ZC3H18: variants seen among roughly 807,000 people sequenced by gnomAD.
The protein encoded by ZC3H18 is zinc finger CCCH domain-containing protein 18.
In ZC3H18, 8 loss-of-function variants were observed where a neutral mutation model predicts 106.1. The ratio of observed to expected loss-of-function variants is 0.08; its 90% CI spans 0.04 to 0.14. The LOEUF is 0.14. Ranked by LOEUF, ZC3H18 falls within the 10% of genes least tolerant of loss-of-function variation. The probability of loss-of-function intolerance (pLI) is 1.00; values close to 1 mark genes in which losing one functional copy is unlikely to be tolerated. For synonymous variants in ZC3H18, 635 were observed against 522.1 expected, an observed-to-expected ratio of 1.22 and a Z score of -2.95; for missense variants, 1,318 against 1,278.4, an observed-to-expected ratio of 1.03 and a Z score of -0.47.
chr16:88,627,603 G>T lies in ZC3H18; in HGVS notation c.2109-19G>T. On this transcript the variant is annotated intron_variant, in intron 13 of 17. Transcript: ENST00000301011. This position sits in a 1 kb window ranked among gnomAD's most constrained non-coding sequence, Gnocchi z 4.5. ...CTCCAGTCTGGCTGGGGTGTGGTGA[G>T]ATGTGCTTGTGTGTCCAGGTCCCTG... The T allele has an allele frequency of 4.4e-6, 7 of 1,587,636 alleles. 1 individual carries two copies. In the South Asian group the frequency reaches 6.7e-5, roughly 15 times the overall value.
In ZC3H18 at chr16:88,572,464, T is replaced by C. The variant is rs530518382; in HGVS notation, c.-15+1898T>C. On this transcript the variant is annotated intron_variant, in intron 1 of 17. Coordinates refer to ENST00000301011, the MANE Select transcript of ZC3H18 (RefSeq NM_144604.4). ...TCCTCAATTAACGAGTTTTTTGTCA[T>C]GTATTCAACAAATATCTATCAAGTA... Among the ~76,000 whole-genome samples, 593 of 152,082 alleles carry C rather than the reference T, an allele frequency of 3.9e-3. 8 individuals carry two copies. Among genetic ancestry groups the C allele is most frequent in the South Asian group, 0.016 (77 of 4,810 alleles).
chr16:88,584,629 G>C (rs1915329493), intron 2 of ZC3H18, among the ~76,000 whole-genome samples: 1 of 152,162 alleles, frequency 6.6e-6, no homozygotes, highest in African/African-American at 2.4e-5. Flanking sequence ...CTGGGTGACT[G>C]GGGTCAGTGT....
Position 88,622,268 on chromosome 16 carries a change from A to G in ZC3H18, c.1547A>G (p.Lys516Arg). 6.2e-7 allele frequency: 1 copy of G among 1,614,166 alleles called. No individual in the cohort carries two copies. The highest frequency in any genetic ancestry group is 8.5e-7 in the Non-Finnish European group (1 of 1,180,000). Reference sequence around the variant, plus strand: ...CAGGTGAAGAGAGCAGATGAGTGGAAGGACCCTTGGCGCCGATCCAAGTCT... The same window carrying G: ...CAGGTGAAGAGAGCAGATGAGTGGAGGGACCCTTGGCGCCGATCCAAGTCT... ...GPQVKRADEW[K>R]DPWRRSKSPK... The change falls in exon 9 of 18, where the codon AAG becomes AGG. Residue 516 changes from lysine (K) to arginine (R), a missense_variant. Physicochemically the swap from Lys to Arg is conservative, Grantham distance 26 (BLOSUM62 2). Coordinates refer to ENST00000301011, the MANE Select transcript of ZC3H18 (RefSeq NM_144604.4).
intron 6 of ZC3H18, 105 bp downstream of exon 6, chr16:88,600,053 A>G: frequency 7.2e-7 from 1 of 1,383,706 alleles, no homozygotes; most frequent in Non-Finnish European, 9.9e-7. Context: ...GCTGAGACCC[A>G]GCCCCACTCA....
Position 88,631,412 on chromosome 16 carries a change from GAAAA to G in ZC3H18, c.*118_*121del. The G allele has an allele frequency of 4.3e-6, 6 of 1,387,054 alleles. No homozygotes were observed. The highest frequency in any genetic ancestry group is 2.6e-5 in the East Asian group (1 of 38,548). 85.9% of individuals were successfully genotyped at this position (1,387,054 alleles called of 1,614,324 possible). On this transcript the variant is annotated 3_prime_UTR_variant, in exon 18 of 18. Transcript: ENST00000301011. Reference sequence around the variant, plus strand: ...GTGATTCTTTTTAAAAAGTAAAAAAGAAAAAAAAGTTTCTCAGCTGGAAAAGAAG... The same window carrying G: ...GTGATTCTTTTTAAAAAGTAAAAAAGAAAAGTTTCTCAGCTGGAAAAGAAG...
chr16:88,586,570 C>G (rs1915447542), intron 2 of ZC3H18, 30 bp from the exon 3 acceptor site: 2 of 1,591,894 alleles, frequency 1.3e-6, no homozygotes, highest in Non-Finnish European at 8.6e-7. Context: ...AGATGCCTCC[C>G]CCACGCTAAG....
intron 8 of ZC3H18, among the ~76,000 whole-genome samples, chr16:88,619,379 C>A (rs964054252): frequency 6.6e-6 from 1 of 152,240 alleles, no homozygotes; most frequent in Admixed American, 6.5e-5. Flanking sequence ...GACCTCCTTG[C>A]TCCATGGGCC....
chr16:88,624,598 A>G lies in ZC3H18; in HGVS notation c.1899-4A>G, dbSNP rs1439072226. On this transcript the variant is annotated splice_region_variant and splice_polypyrimidine_tract_variant and intron_variant, in intron 11 of 17. Transcript: ENST00000301011. ...TGCCCTGCTCGAGCCTCCCTGTCTC[A>G]CAGAGAGAAGTCAGTGAAGAAGCCG... 3.1e-6 allele frequency: 5 copies of G among 1,611,724 alleles called. No homozygotes were observed. The African/African-American group carries it at 4.0e-5, about 13-fold the overall frequency.
At chr16:88,616,504 C>T (rs1905615038) in intron 8 of ZC3H18, among the ~76,000 whole-genome samples, 1 of 152,220 alleles carries the variant, frequency 6.6e-6, no homozygotes, top group African/African-American at 2.4e-5. Context: ...CTTCACTCAC[C>T]TTTGCGGGAG....
chr16:88,623,904 G>A, intron 10 of ZC3H18, 54 bp from the exon 11 acceptor site: 1 of 1,551,896 alleles, frequency 6.4e-7, no homozygotes, highest in Non-Finnish European at 8.7e-7. Context: ...GTGGGCTTGG[G>A]CTGGTGAAGA....
chr16:88,622,466 G>A (rs949936608), intron 9 of ZC3H18, 78 bp downstream of exon 9: 144 of 1,447,082 alleles, frequency 1.0e-4, no homozygotes, highest in Admixed American at 5.8e-4. Flanking sequence ...CACTGGGTCA[G>A]GTGGGGAACA....
intron 3 of ZC3H18, among the ~76,000 whole-genome samples, chr16:88,596,256 G>A (rs1904433109): frequency 6.6e-6 from 1 of 152,176 alleles, no homozygotes; most frequent in Admixed American, 6.5e-5. Context: ...TTTTTTGATA[G>A]TAGGTTCGTA....
chr16:88,599,716 G>A (rs566180295), intron 5 of ZC3H18, 75 bp from the exon 6 acceptor site: 35 of 1,525,636 alleles, frequency 2.3e-5, no homozygotes, highest in South Asian at 1.9e-4. Flanking sequence ...CGGGTGGGAC[G>A]GCTCCCTTTG....
At chr16:88,614,860 T>C (rs1238210686) in intron 8 of ZC3H18, among the ~76,000 whole-genome samples, 1 of 152,208 alleles carries the variant, frequency 6.6e-6, no homozygotes, top group African/African-American at 2.4e-5. Flanking sequence ...GAGACCCCAC[T>C]GCAAAGGTGC....
At chr16:88,589,613 G>A (rs949025663) in intron 3 of ZC3H18, among the ~76,000 whole-genome samples, 3 of 151,662 alleles carry the variant, frequency 2.0e-5, no homozygotes, top group African/African-American at 4.8e-5. Flanking sequence ...CAACGTGGAC[G>A]AGCCTTGAAG....
At chr16:88,574,331 T>C in intron 1 of ZC3H18, among the ~76,000 whole-genome samples, 1 of 152,084 alleles carries the variant, frequency 6.6e-6, no homozygotes, top group East Asian at 1.9e-4. Context: ...CGTCTCAGCC[T>C]CCCAAGTAGC....
At position 88,624,007 on chromosome 16, in the gene ZC3H18, C is replaced by T. The variant is rs138970185; in HGVS notation, c.1843C>T (p.His615Tyr). 2 of 1,614,004 alleles carry T rather than the reference C, an allele frequency of 1.2e-6. No homozygotes were observed. Among genetic ancestry groups the T allele is most frequent in the African/African-American group, 1.3e-5 (1 of 74,940 alleles). The change falls in exon 11 of 18, where the codon CAT (histidine) becomes TAT (tyrosine). Residue 615 changes from histidine (H) to tyrosine (Y), a missense_variant. Around this residue, in one of 6 missense-constraint regions of ZC3H18, gnomAD observed 848 missense variants for 821.7 expected, o/e 1.03. Coordinates refer to ENST00000301011, the MANE Select transcript of ZC3H18 (RefSeq NM_144604.4). ...SPSPSPTPSP[H>Y]RPSIRTKGEP... is the part of the protein sequence containing the mutation. ...GTCCCCGTCCCCAACACCTTCCCCA[C>T]ATAGACCTTCCATCAGAACCAAGGG...
chr16:88,613,107 G>A (rs925002597), intron 8 of ZC3H18, among the ~76,000 whole-genome samples: 8 of 152,214 alleles, frequency 5.3e-5, no homozygotes, highest in African/African-American at 1.9e-4. Flanking sequence ...TGCCCATTCA[G>A]AACGTTTTGT....
In ZC3H18 at chr16:88,630,749, A is replaced by AC. The variant is rs1277102238; in HGVS notation, c.2663+174dup. ...GGCATGGACAGCGAATTGCAGCCCC[A>AC]CCCCCCACCCCCCCCCACACACACA... On this transcript the variant is annotated intron_variant, in intron 17 of 17. Coordinates refer to ENST00000301011, the MANE Select transcript of ZC3H18 (RefSeq NM_144604.4). Among the ~76,000 whole-genome samples, 406 of 43,080 alleles carry AC rather than the reference A, an allele frequency of 9.4e-3. 13 individuals are homozygous for AC. Among genetic ancestry groups the AC allele is most frequent in the East Asian group, 0.025 (21 of 840 alleles). 28.3% of individuals were successfully genotyped at this position (43,080 alleles called of 152,430 possible).
Sources: allele counts gnomAD v4.1 joint callset (sites outside exome capture counted in the v4.1 genomes callset), GRCh38; gene constraint gnomAD v4.1.1; regional missense constraint gnomAD v4.1.1; non-coding constraint Gnocchi (gnomAD v3.1); transcripts MANE v1.5; gene names NCBI Gene and HGNC (gene_info 2026-07-23, HGNC 2026-07-21).